The following UBASH3B variants were observed in gnomAD, a reference collection of about 807,000 sequenced individuals.
The protein encoded by UBASH3B is ubiquitin-associated and SH3 domain-containing protein B.
UBASH3B carries 37 observed loss-of-function variants against 83.4 expected under a neutral mutation model. The observed-to-expected ratio is 0.44, with a 90% CI of 0.34 to 0.58. The LOEUF is 0.58. UBASH3B is among the 20% of genes least tolerant of loss of function. The pLI, the probability that UBASH3B is intolerant of heterozygous loss-of-function variation, is 0.01. For synonymous variants in UBASH3B, 304 were observed against 318.3 expected, an observed-to-expected ratio of 0.96 and a Z score of 0.48; for missense variants, 657 against 827.2, an observed-to-expected ratio of 0.79 and a Z score of 2.52.
At chr11:122,698,953 G>A (rs546360952) in intron 1 of UBASH3B, among the ~76,000 whole-genome samples, 7 of 152,234 alleles carry the variant, frequency 4.6e-5, no homozygotes, top group East Asian at 1.9e-4. Flanking sequence ...CAGTTCAAGC[G>A]ATTATCGTGC....
At chr11:122,702,245 A>G (rs1042608878) in intron 1 of UBASH3B, among the ~76,000 whole-genome samples, 1 of 152,204 alleles carries the variant, frequency 6.6e-6, no homozygotes, top group Non-Finnish European at 1.5e-5. Context: ...TCCAAGTCCA[A>G]CATAGTTACG....
intron 1 of UBASH3B, among the ~76,000 whole-genome samples, chr11:122,672,665 A>G (rs915750273): frequency 6.6e-6 from 1 of 152,072 alleles, no homozygotes; most frequent in East Asian, 1.9e-4. Context: ...ATTGCTGGGG[A>G]CAGGGTCAGA....
chr11:122,674,953 T>C (rs1488090164), intron 1 of UBASH3B, among the ~76,000 whole-genome samples: 1 of 152,042 alleles, frequency 6.6e-6, no homozygotes, highest in Non-Finnish European at 1.5e-5. Flanking sequence ...GGTCTCGAAC[T>C]CCTCACCTCT....
intron 1 of UBASH3B, among the ~76,000 whole-genome samples, chr11:122,703,531 G>A (rs1217296440): frequency 6.6e-6 from 1 of 152,148 alleles, no homozygotes; most frequent in Non-Finnish European, 1.5e-5. Context: ...GGGGGAAAAT[G>A]CCTGCAAGTC....
rs143917614 is a variant in UBASH3B, at chr11:122,663,675, T to C, written c.161+7465T>C. Among the ~76,000 whole-genome samples the C allele has an allele frequency of 5.2e-3, 794 of 152,304 alleles. 5 individuals are homozygous for C. Among genetic ancestry groups the C allele is most frequent in the African/African-American group, 0.018 (763 of 41,570 alleles). On this transcript the variant is annotated intron_variant, in intron 1 of 13. Transcript: ENST00000284273. ...CAGCCGGCATAAGCCTGTGTAAGGGTATCTCCTTTCTTGGCCATCCAGAAG... is the reference window on the plus strand; with the variant it reads ...CAGCCGGCATAAGCCTGTGTAAGGGCATCTCCTTTCTTGGCCATCCAGAAG...
At chr11:122,739,086 A>G (rs1860983017) in intron 1 of UBASH3B, among the ~76,000 whole-genome samples, 8 of 152,016 alleles carry the variant, frequency 5.3e-5, no homozygotes, top group Admixed American at 3.3e-4. Context: ...GCAGCCTCAA[A>G]TTACAGGGCT....
intron 1 of UBASH3B, among the ~76,000 whole-genome samples, chr11:122,699,531 C>CTCTTTTTCTTTCTTTCTT (rs1555137138): frequency 4.4e-4 from 47 of 107,936 alleles, no homozygotes; most frequent in African/African-American, 1.5e-3. Flanking sequence ...TTCTTTCTTT[C>CTCTTTTTCTTTCTTTCTT]TCTTTCTTTC....
chr11:122,810,588 C>T lies in UBASH3B; in HGVS notation c.*702C>T, dbSNP rs1483842468. 6.6e-6 allele frequency: 1 copy of T among 152,530 alleles called. No individual in the cohort carries two copies. The highest frequency in any genetic ancestry group is 2.4e-5 in the African/African-American group (1 of 41,404). 9.4% of individuals were successfully genotyped at this position (152,530 alleles called of 1,614,324 possible). Reference sequence around the variant, plus strand: ...TGGGGAGACAAAGCACTTTTGCTCTCCAAAGCACTTTTGGATACTCAGGAG... The same window carrying T: ...TGGGGAGACAAAGCACTTTTGCTCTTCAAAGCACTTTTGGATACTCAGGAG... On this transcript the variant is annotated 3_prime_UTR_variant, in exon 14 of 14. Coordinates refer to ENST00000284273, the MANE Select transcript of UBASH3B (RefSeq NM_032873.5).
chr11:122,698,599 A>G (rs1863992843), intron 1 of UBASH3B, among the ~76,000 whole-genome samples: 1 of 152,154 alleles, frequency 6.6e-6, no homozygotes, highest in African/African-American at 2.4e-5. Flanking sequence ...AGCTGTGAGG[A>G]TACTAGAAAC....
chr11:122,691,112 A>G (rs918043439), intron 1 of UBASH3B, among the ~76,000 whole-genome samples: 5 of 152,206 alleles, frequency 3.3e-5, no homozygotes, highest in African/African-American at 1.2e-4. Flanking sequence ...CTTGTTGTCC[A>G]GATATGTTTG....
intron 1 of UBASH3B, among the ~76,000 whole-genome samples, chr11:122,721,663 G>C (rs1413096975): frequency 6.6e-6 from 1 of 152,202 alleles, no homozygotes; most frequent in Non-Finnish European, 1.5e-5. Context: ...AGTGGTGCGT[G>C]GGTGGGAGGT....
intron 11 of UBASH3B, among the ~76,000 whole-genome samples, chr11:122,805,892 G>T (rs1354494047): frequency 1.3e-5 from 2 of 152,210 alleles, no homozygotes; most frequent in Non-Finnish European, 2.9e-5. Flanking sequence ...TTTATGCTTT[G>T]CACTTCTCCT....
intron 3 of UBASH3B, among the ~76,000 whole-genome samples, chr11:122,778,607 CTTTTTT>C (rs960498187): frequency 4.8e-5 from 3 of 62,546 alleles, no homozygotes; most frequent in South Asian, 1.0e-3. Context: ...TTTTCTTTTT[CTTTTTT>C]TTTTTTATGG....
At chr11:122,659,080 G>C (rs1362410823) in intron 1 of UBASH3B, among the ~76,000 whole-genome samples, 2 of 152,094 alleles carry the variant, frequency 1.3e-5, no homozygotes, top group Admixed American at 6.6e-5. Flanking sequence ...TTTTCTGTCT[G>C]TGTCCAATCT....
At chr11:122,712,911 T>C (rs1166399511) in intron 1 of UBASH3B, among the ~76,000 whole-genome samples, 1 of 128,720 alleles carries the variant, frequency 7.8e-6, no homozygotes, top group Non-Finnish European at 1.6e-5. Context: ...TTTTTTTTTT[T>C]TTTTTTTTTT....
At chr11:122,804,426 C>T (rs991688534) in intron 11 of UBASH3B, among the ~76,000 whole-genome samples, 3 of 152,050 alleles carry the variant, frequency 2.0e-5, no homozygotes, top group Admixed American at 6.6e-5. Context: ...GACAGTAAGC[C>T]GGTGTGCACA....
intron 1 of UBASH3B, among the ~76,000 whole-genome samples, chr11:122,706,511 T>G (rs1003822089): frequency 1.3e-5 from 2 of 152,168 alleles, no homozygotes; most frequent in Non-Finnish European, 2.9e-5. Context: ...GAGTGTACAT[T>G]CTGCATTTTA....
At position 122,750,113 on chromosome 11, in the gene UBASH3B, G is replaced by A. The variant is rs577864540; in HGVS notation, c.162-26106G>A. On this transcript the variant is annotated intron_variant, in intron 1 of 13. Transcript: ENST00000284273. ...TTTCTTCAAATCCTGCTGATAAATA[G>A]CAGAGCCAAGGCTCAAAGTCAGATC... Among the ~76,000 whole-genome samples the A allele has an allele frequency of 1.6e-3, 245 of 152,300 alleles. 2 individuals are homozygous for A. Among genetic ancestry groups the A allele is most frequent in the Middle Eastern group, 3.4e-3 (1 of 294 alleles).
chr11:122,710,966 C>A (rs150471043), intron 1 of UBASH3B, among the ~76,000 whole-genome samples: 1 of 152,224 alleles, frequency 6.6e-6, no homozygotes, highest in African/African-American at 2.4e-5. Context: ...CATTGACAGG[C>A]CATAGAGGAA....
Sources: allele counts gnomAD v4.1 joint callset (sites outside exome capture counted in the v4.1 genomes callset), GRCh38; gene constraint gnomAD v4.1.1; transcripts MANE v1.5; gene names NCBI Gene and HGNC (gene_info 2026-07-23, HGNC 2026-07-21).